Variants in BCOR observed in about 807,000 individuals in gnomAD.
BCOR encodes the protein BCL-6 corepressor.
Under a neutral mutation model 86.7 loss-of-function variants are expected in BCOR, and 10 were observed. The observed-to-expected ratio is 0.12, with a 90% CI of 0.07 to 0.20. The LOEUF is 0.20. BCOR is among the 10% of genes least tolerant of loss of function. The pLI is 1.00. For missense variants in BCOR, 1,259 were observed against 1,452.1 expected, an observed-to-expected ratio of 0.87 and a Z score of 2.16; for synonymous variants, 611 against 609.0, an observed-to-expected ratio of 1.00 and a Z score of -0.05.
intron 10 of BCOR, 91 bp downstream of exon 10, chrX:40,062,048 C>T: frequency 9.1e-7 from 1 of 1,095,816 alleles, no homozygotes; most frequent in Non-Finnish European, 1.2e-6. Context: ...GGGGGCTGAG[C>T]TCTGCTCTCC....
chrX:40,142,061 TC>T (rs1056943959), intron 1 of BCOR, among the ~76,000 whole-genome samples: 34 of 112,410 alleles, frequency 3.0e-4, no homozygotes, highest in Non-Finnish European at 2.4e-4. Context: ...CCCTGCTCAG[TC>T]CTTTGAGGGC....
At chrX:40,175,936 C>G (rs756647053) in intron 1 of BCOR, among the ~76,000 whole-genome samples, 1 of 112,886 alleles carries the variant, frequency 8.9e-6, no homozygotes, top group Non-Finnish European at 1.9e-5. Context: ...CGCTACCCTA[C>G]TTTTCCAGGT....
chrX:40,124,564 T>C (rs1233436220), intron 1 of BCOR, among the ~76,000 whole-genome samples: 2 of 110,335 alleles, frequency 1.8e-5, no homozygotes, highest in Non-Finnish European at 3.8e-5. Context: ...CACCTAGCCC[T>C]TACAATTTTT....
In BCOR at chrX:40,063,593, G is replaced by T; in HGVS notation, c.3847+15C>A. On this transcript the variant is annotated intron_variant, in intron 8 of 14. Coordinates refer to ENST00000378444, the MANE Select transcript of BCOR (RefSeq NM_001123385.2). ...CAGGAGCGGGGTGAACACTCAAGGG[G>T]TGGCCCCCGCATACCTTGTTCATTG... is the stretch of plus-strand genomic sequence containing the variant. 8.4e-7 allele frequency: 1 copy of T among 1,192,563 alleles called. No homozygotes were observed. Among genetic ancestry groups the T allele is most frequent in the Admixed American group, 2.2e-5 (1 of 46,065 alleles).
Position 40,135,737 on chromosome X carries a change from C to T in BCOR, c.-41+41270G>A, listed in dbSNP as rs1937667582. Among the ~76,000 whole-genome samples, 3 of 111,611 alleles carry T rather than the reference C, an allele frequency of 2.7e-5. No individual in the cohort carries two copies. The South Asian group carries it at 1.1e-3, about 43-fold the overall frequency. On this transcript the variant is annotated intron_variant, in intron 1 of 14. Coordinates refer to the BCOR transcript ENST00000342274. ...AGCATTGGGATGGCCGGTGGCCCAT[C>T]TTCCCAGGTTTCCTGAGATTGGCGG... is the stretch of plus-strand genomic sequence containing the variant.
intron 1 of BCOR, among the ~76,000 whole-genome samples, chrX:40,162,065 A>G (rs1213272174): frequency 1.8e-5 from 2 of 111,376 alleles, no homozygotes; most frequent in African/African-American, 6.5e-5. Flanking sequence ...GTAACAAAAC[A>G]AAGAGAGTGT....
At chrX:40,104,448 C>T (rs1264857420) in intron 1 of BCOR, among the ~76,000 whole-genome samples, 1 of 111,935 alleles carries the variant, frequency 8.9e-6, no homozygotes, top group Admixed American at 9.4e-5. Context: ...AAGGGGTTTC[C>T]GGAAGACTTT....
intron 1 of BCOR, among the ~76,000 whole-genome samples, chrX:40,118,231 C>T (rs1752833028): frequency 9.1e-6 from 1 of 109,988 alleles, no homozygotes. Flanking sequence ...TTTCTTTCCT[C>T]TTCTTGCAGT....
rs1411860365 is a variant in BCOR at position 40,074,376 on chromosome X, C to A, written c.970G>T (p.Gly324Cys). The A allele has an allele frequency of 8.3e-7, 1 of 1,210,960 alleles. No homozygotes were observed. The highest frequency in any genetic ancestry group is 1.8e-5 in the South Asian group (1 of 56,777). The change falls in exon 4 of 15, where the codon GGC (glycine) becomes TGC (cysteine). Residue 324 changes from glycine to cysteine, a missense_variant. By Grantham distance (159) the Gly-to-Cys change is radical. Transcript: ENST00000378444. ...AGGAGAGCTGTGTCCCCCGGCAGGC[C>A]ACTGGTGACCGCCTTGGCAGAGGGA... ...RVPSAKAVTSGLPGDTALLLP... is the reference protein window; with the variant it reads ...RVPSAKAVTSCLPGDTALLLP...
At chrX:40,149,942 C>T (rs1938135518) in intron 1 of BCOR, among the ~76,000 whole-genome samples, 3 of 112,491 alleles carry the variant, frequency 2.7e-5, no homozygotes, top group Admixed American at 1.9e-4. Flanking sequence ...CCGTGTGACC[C>T]GCCTAAAGGC....
At position 40,053,869 on chromosome X, in the gene BCOR, A is replaced by AT; in HGVS notation, c.4976+16dup. ...AGCAGCTCAGCTAGTTTTCAATCAC[A>AT]TGACAGCCATGCTCACCCCTGAGCC... On this transcript the variant is annotated intron_variant, in intron 14 of 14. Transcript: ENST00000378444. 3 of 1,209,893 alleles carry AT rather than the reference A, an allele frequency of 2.5e-6. No individual in the cohort carries two copies. In the African/African-American group the frequency reaches 5.2e-5, roughly 21 times the overall value.
At chrX:40,090,756 AG>A (rs937496984) in intron 1 of BCOR, among the ~76,000 whole-genome samples, 218 of 112,189 alleles carry the variant, frequency 1.9e-3, no homozygotes, top group African/African-American at 6.2e-3. Context: ...CAAGGCGGGA[AG>A]GGGGGGACGG....
rs761777324 is a variant in BCOR at position 40,077,944 on chromosome X, T to C, written c.-15A>G. 20 of 1,185,880 alleles carry C rather than the reference T, an allele frequency of 1.7e-5. No homozygotes were observed. In the East Asian group the frequency reaches 3.6e-4, roughly 21 times the overall value. ...GCTGAGAGCATGTCGTCTTCTGGGA[T>C]GGCAGCTTTGCTTCAAGCGTCTAGT... On this transcript the variant is annotated 5_prime_UTR_variant, in exon 2 of 15. Transcript: ENST00000378444.
chrX:40,128,073 A>G (rs1238957331), intron 1 of BCOR, among the ~76,000 whole-genome samples: 12 of 107,522 alleles, frequency 1.1e-4, no homozygotes, highest in African/African-American at 4.1e-4. Flanking sequence ...AAAAATACAA[A>G]TATTAGCCGG....
chrX:40,062,995 C>G lies in BCOR; in HGVS notation c.3924G>C (p.Gln1308His), dbSNP rs1227931190. 1 of 1,177,957 alleles carries G rather than the reference C, an allele frequency of 8.5e-7. No homozygotes were observed. Among genetic ancestry groups the G allele is most frequent in the Non-Finnish European group, 1.1e-6 (1 of 878,360 alleles). Residue 1308 changes from glutamine (Q) to histidine (H), a missense_variant, in exon 9 of 15, where the codon CAG becomes CAC. This residue lies in a region of BCOR where 305 missense variants were observed against 286.1 expected (regional missense o/e 1.07). Coordinates refer to ENST00000378444, the MANE Select transcript of BCOR (RefSeq NM_001123385.2). The part of the protein sequence containing the change: ...STSAGGKKQA[Q>H]PSCAPASRPP... The stretch of plus-strand genomic sequence containing the variant: ...GCCTGGAGGCTGGTGCGCAGCTTGG[C>G]TGAGCCTGCTTTTTGCCGCCTGCAC...
At chrX:40,057,072 C>T (rs1237579914) in intron 11 of BCOR, 83 bp downstream of exon 11, 23 of 1,072,612 alleles carry the variant, frequency 2.1e-5, no homozygotes, top group Non-Finnish European at 2.4e-5. Context: ...TGGAATTTCC[C>T]GTATACACTG....
At chrX:40,063,581 A>G in intron 8 of BCOR, 27 bp downstream of exon 8, 1 of 1,162,568 alleles carries the variant, frequency 8.6e-7, no homozygotes, top group Non-Finnish European at 1.2e-6. Context: ...GAGCGGGGTG[A>G]ACACTCAAGG....
At chrX:40,109,972 G>C (rs1937272847) in intron 1 of BCOR, among the ~76,000 whole-genome samples, 1 of 112,368 alleles carries the variant, frequency 8.9e-6, no homozygotes, top group African/African-American at 3.2e-5. Flanking sequence ...TGGAGGGCGG[G>C]GACGGCCGGG....
At chrX:40,174,080 C>T (rs1938690117) in intron 1 of BCOR, among the ~76,000 whole-genome samples, 3 of 113,238 alleles carry the variant, frequency 2.6e-5, no homozygotes, top group Non-Finnish European at 5.6e-5. Context: ...CCTGCTTGGC[C>T]TCTCCAGGGT....
Sources: allele counts gnomAD v4.1 joint callset (sites outside exome capture counted in the v4.1 genomes callset), GRCh38; gene constraint gnomAD v4.1.1; regional missense constraint gnomAD v4.1.1; transcripts MANE v1.5; gene names NCBI Gene and HGNC (gene_info 2026-07-23, HGNC 2026-07-21).